Variants in MTUS2 observed in about 807,000 individuals in gnomAD.
The protein encoded by MTUS2 is microtubule associated scaffold protein 2, also known as microtubule-associated tumor suppressor candidate 2.
MTUS2 carries 40 observed loss-of-function variants against 114.1 expected under a neutral mutation model. The ratio of observed to expected loss-of-function variants is 0.35; its 90% CI spans 0.27 to 0.46. The LOEUF (loss-of-function observed/expected upper bound fraction) is 0.46. MTUS2 is among the 20% of genes least tolerant of loss of function. The pLI, the probability that MTUS2 is intolerant of heterozygous loss-of-function variation, is 1.00. For missense variants in MTUS2, 1,679 were observed against 1,705.4 expected, an observed-to-expected ratio of 0.98 and a Z score of 0.27; for synonymous variants, 688 against 672.0, an observed-to-expected ratio of 1.02 and a Z score of -0.37.
chr13:28,835,353 C>T (rs1223332547), intron 1 of MTUS2, among the ~76,000 whole-genome samples: 2 of 152,208 alleles, frequency 1.3e-5, no homozygotes, highest in East Asian at 3.8e-4. Flanking sequence ...ATTTCTGGTA[C>T]AGATGGCTGA....
chr13:29,164,437 T>TA (rs1320086151), intron 5 of MTUS2, among the ~76,000 whole-genome samples: 1 of 152,248 alleles, frequency 6.6e-6, no homozygotes, highest in Non-Finnish European at 1.5e-5. Context: ...GTAGGTATCT[T>TA]ACATAAATCT....
chr13:29,338,299 A>G (rs566666652), intron 7 of MTUS2, among the ~76,000 whole-genome samples: 32 of 151,838 alleles, frequency 2.1e-4, no homozygotes, highest in South Asian at 6.3e-4. Context: ...TCTAAAAAAT[A>G]TTTGCAGCCA....
chr13:29,327,647 C>A (rs1214383347), intron 7 of MTUS2, among the ~76,000 whole-genome samples: 1 of 152,060 alleles, frequency 6.6e-6, no homozygotes, highest in Non-Finnish European at 1.5e-5. Context: ...GCTTTCCCCC[C>A]AGAACTTGGC....
chr13:29,439,225 A>G (rs1186726368), intron 8 of MTUS2, among the ~76,000 whole-genome samples: 1 of 152,234 alleles, frequency 6.6e-6, no homozygotes, highest in African/African-American at 2.4e-5. Context: ...TAATAAAATC[A>G]TAATATGCTG....
At chr13:28,950,392 A>T (rs1053120313) in intron 2 of MTUS2, among the ~76,000 whole-genome samples, 1 of 152,188 alleles carries the variant, frequency 6.6e-6, no homozygotes, top group African/African-American at 2.4e-5. Context: ...TTCCCATTCA[A>T]TAGGTTACCG....
chr13:29,355,454 A>T (rs1869659377), intron 7 of MTUS2, among the ~76,000 whole-genome samples: 1 of 152,234 alleles, frequency 6.6e-6, no homozygotes, highest in African/African-American at 2.4e-5. Context: ...CACCCAAACC[A>T]GCGAGATCTG....
chr13:29,285,066 C>G lies in MTUS2; in HGVS notation c.2806+3201C>G, dbSNP rs1898421633. ...CTGTTGAAAGGACCTATGGGGTCAA[C>G]TTGAATAAGCTCCTACTGGTAAAAA... On this transcript the variant is annotated intron_variant, in intron 6 of 15. Coordinates refer to ENST00000612955, the MANE Select transcript of MTUS2 (RefSeq NM_001033602.4). Among the ~76,000 whole-genome samples the G allele has an allele frequency of 2.7e-5, 4 of 150,212 alleles. No homozygotes were observed. The South Asian group carries it at 8.5e-4, about 32-fold the overall frequency.
chr13:28,989,421 A>G (rs1266181691), intron 2 of MTUS2, among the ~76,000 whole-genome samples: 1 of 152,238 alleles, frequency 6.6e-6, no homozygotes, highest in African/African-American at 2.4e-5. Flanking sequence ...AAGACACTGA[A>G]TACAAAATTG....
chr13:28,884,673 A>G (rs185398914), intron 2 of MTUS2, among the ~76,000 whole-genome samples: 41 of 152,298 alleles, frequency 2.7e-4, no homozygotes, highest in African/African-American at 7.9e-4. Context: ...TGAAGTTTGT[A>G]GATGTACCAA....
At chr13:29,438,378 CTGG>C (rs1218195581) in intron 8 of MTUS2, among the ~76,000 whole-genome samples, 1 of 152,156 alleles carries the variant, frequency 6.6e-6, no homozygotes, top group African/African-American at 2.4e-5. Context: ...ATGTTATAAA[CTGG>C]GTGGTTTATA....
intron 11 of MTUS2, among the ~76,000 whole-genome samples, chr13:29,489,157 G>A (rs903833859): frequency 6.6e-5 from 10 of 152,052 alleles, no homozygotes; most frequent in African/African-American, 2.2e-4. Flanking sequence ...CGGTGGGCTG[G>A]CTACACGGGA....
At chr13:29,273,823 A>T (rs552230475) in intron 5 of MTUS2, among the ~76,000 whole-genome samples, 73 of 152,290 alleles carry the variant, frequency 4.8e-4, no homozygotes, top group African/African-American at 1.7e-3. Flanking sequence ...TTCAGGATTC[A>T]TGCATGGTAT....
intron 4 of MTUS2, among the ~76,000 whole-genome samples, chr13:29,096,995 ACT>A (rs1463732497): frequency 6.6e-6 from 1 of 151,758 alleles, no homozygotes; most frequent in Non-Finnish European, 1.5e-5. Context: ...CCTTTTGACC[ACT>A]CTCTCATGTA....
chr13:29,158,358 C>CCACCCCTTCT, intron 5 of MTUS2, among the ~76,000 whole-genome samples: 1 of 32,048 alleles, frequency 3.1e-5, no homozygotes, highest in Non-Finnish European at 5.1e-5. Flanking sequence ...GTCCACCCCG[C>CCACCCCTTCT]TTTTTTTTTT....
chr13:29,020,730 C>T (rs1048100919), intron 2 of MTUS2, among the ~76,000 whole-genome samples: 1 of 151,800 alleles, frequency 6.6e-6, no homozygotes, highest in Non-Finnish European at 1.5e-5. Context: ...CATTCATGGG[C>T]AGCTTTTCTT....
At chr13:29,399,258 C>T (rs1874144718) in intron 8 of MTUS2, among the ~76,000 whole-genome samples, 2 of 152,078 alleles carry the variant, frequency 1.3e-5, no homozygotes. Context: ...TCGTCTCTAT[C>T]TTGGTTTTGG....
chr13:28,940,640 G>A (rs191649655), intron 2 of MTUS2, among the ~76,000 whole-genome samples: 84 of 145,806 alleles, frequency 5.8e-4, no homozygotes, highest in African/African-American at 7.1e-4. Flanking sequence ...ATAAATATTC[G>A]AATATTAAAA....
At chr13:29,276,671 G>T (rs1436532549) in intron 5 of MTUS2, among the ~76,000 whole-genome samples, 1 of 152,180 alleles carries the variant, frequency 6.6e-6, no homozygotes, top group Non-Finnish European at 1.5e-5. Context: ...GCCGAGGTGG[G>T]TGGATCACCT....
Position 28,850,568 on chromosome 13 carries a change from TA to T in MTUS2, c.-243+10723del, listed in dbSNP as rs1280259927. 3.3e-5 allele frequency among the ~76,000 whole-genome samples: 5 copies of T among 152,338 alleles called. No individual in the cohort carries two copies. The East Asian group carries it at 9.6e-4, about 29-fold the overall frequency. On this transcript the variant is annotated intron_variant, in intron 2 of 15. Transcript: ENST00000612955. ...TCAACTCTATTTACAAGAGCAATAT[TA>T]AAAACATAAATTGCCCAGAGGGTAT... is the stretch of plus-strand genomic sequence containing the variant.
Sources: allele counts gnomAD v4.1 joint callset (sites outside exome capture counted in the v4.1 genomes callset), GRCh38; gene constraint gnomAD v4.1.1; transcripts MANE v1.5; gene names NCBI Gene and HGNC (gene_info 2026-07-23, HGNC 2026-07-21).